The following AMBRA1 variants were observed in gnomAD, a reference collection of about 807,000 sequenced individuals.
AMBRA1 encodes activating molecule in BECN1-regulated autophagy protein 1.
In AMBRA1, 47 loss-of-function variants were observed where a neutral mutation model predicts 125.4. The ratio of observed to expected loss-of-function variants is 0.37; its 90% CI spans 0.30 to 0.48. The LOEUF (loss-of-function observed/expected upper bound fraction) is 0.48, where lower values mean the gene tolerates loss of function less well. Ranked by LOEUF, AMBRA1 falls within the 20% of genes least tolerant of loss-of-function variation. The probability of loss-of-function intolerance (pLI) is 0.99; values close to 1 mark genes in which losing one functional copy is unlikely to be tolerated. For missense variants in AMBRA1, 1,331 were observed against 1,693.4 expected (o/e 0.79, Z 3.76); for synonymous variants, 626 against 655.5 (o/e 0.95, Z 0.69).
intron 7 of AMBRA1, among the ~76,000 whole-genome samples, chr11:46,526,997 G>A (rs1207835911): frequency 6.6e-6 from 1 of 152,166 alleles, no homozygotes; most frequent in Admixed American, 6.5e-5. Context: ...CTTGCTCACT[G>A]TTTGTAAAGC....
chr11:46,401,260 A>AGAC (rs10639461), intron 17 of AMBRA1, among the ~76,000 whole-genome samples: 111,976 of 151,666 alleles, frequency 0.74, 43,449 homozygotes, highest in East Asian at 0.94. Context: ...GCTCTTTTCG[A>AGAC]GACAGAGTCT....
intron 11 of AMBRA1, among the ~76,000 whole-genome samples, chr11:46,474,014 A>T (rs2136892473): frequency 6.6e-6 from 1 of 152,230 alleles, no homozygotes; most frequent in East Asian, 1.9e-4. Flanking sequence ...CCCAACACTT[A>T]GTGTAGGACC....
At chr11:46,483,636 A>G (rs945351018) in intron 11 of AMBRA1, among the ~76,000 whole-genome samples, 2 of 152,230 alleles carry the variant, frequency 1.3e-5, no homozygotes, top group South Asian at 2.1e-4. Flanking sequence ...ATGGTGGCTC[A>G]TGCCTGTAAT....
chr11:46,546,793 G>C (rs920869997), intron 4 of AMBRA1, among the ~76,000 whole-genome samples: 2 of 152,102 alleles, frequency 1.3e-5, no homozygotes, highest in Non-Finnish European at 2.9e-5. Context: ...AAAAGAAGCC[G>C]GGCATGGTGG....
chr11:46,526,858 C>T (rs1407127907), intron 7 of AMBRA1, among the ~76,000 whole-genome samples: 3 of 152,202 alleles, frequency 2.0e-5, no homozygotes, highest in East Asian at 3.8e-4. Flanking sequence ...AAGCTAGGCA[C>T]AACAGCAACA....
At chr11:46,415,442 T>C (rs1422727303) in intron 15 of AMBRA1, among the ~76,000 whole-genome samples, 1 of 152,232 alleles carries the variant, frequency 6.6e-6, no homozygotes, top group Non-Finnish European at 1.5e-5. Context: ...AAAGGGGTTT[T>C]TGAGTGAAAA....
At chr11:46,588,576 G>A (rs1429338852) in intron 1 of AMBRA1, among the ~76,000 whole-genome samples, 5 of 151,282 alleles carry the variant, frequency 3.3e-5, no homozygotes, top group African/African-American at 1.2e-4. Context: ...AGGAGTTCGA[G>A]ACCAGCCTGA....
At chr11:46,471,637 G>A (rs977462246) in intron 11 of AMBRA1, among the ~76,000 whole-genome samples, 2 of 143,874 alleles carry the variant, frequency 1.4e-5, no homozygotes, top group African/African-American at 5.1e-5. Flanking sequence ...GTTTTGTTTT[G>A]TTTTTTTTTT....
chr11:46,591,899 A>G (rs1317844713), intron 1 of AMBRA1, among the ~76,000 whole-genome samples: 1 of 151,076 alleles, frequency 6.6e-6, no homozygotes, highest in Non-Finnish European at 1.5e-5. Flanking sequence ...CTGATTCTAC[A>G]TACTTTGGAA....
At chr11:46,498,010 A>G (rs1038206983) in intron 9 of AMBRA1, among the ~76,000 whole-genome samples, 1 of 152,232 alleles carries the variant, frequency 6.6e-6, no homozygotes, top group African/African-American at 2.4e-5. Context: ...TTAGAAAACT[A>G]CACAGAAATC....
chr11:46,474,961 A>AT (rs1227852688), intron 11 of AMBRA1, among the ~76,000 whole-genome samples: 2 of 152,230 alleles, frequency 1.3e-5, no homozygotes, highest in Non-Finnish European at 2.9e-5. Flanking sequence ...AAGTCCGCAT[A>AT]TATGTATAAC....
intron 9 of AMBRA1, among the ~76,000 whole-genome samples, chr11:46,501,338 G>C (rs1950829049): frequency 6.6e-6 from 1 of 152,206 alleles, no homozygotes; most frequent in South Asian, 2.1e-4. Flanking sequence ...GACTACCTTA[G>C]TCTGAGTGAG....
At chr11:46,550,650 A>G (rs879856693) in intron 1 of AMBRA1, among the ~76,000 whole-genome samples, 1 of 152,138 alleles carries the variant, frequency 6.6e-6, no homozygotes, top group Non-Finnish European at 1.5e-5. Flanking sequence ...CAAATAATAA[A>G]TTTCCCTTAA....
At chr11:46,580,728 T>G (rs886102936) in intron 1 of AMBRA1, among the ~76,000 whole-genome samples, 2 of 152,178 alleles carry the variant, frequency 1.3e-5, no homozygotes, top group African/African-American at 4.8e-5. Flanking sequence ...CTAACCATAC[T>G]TCCCCGATTT....
At chr11:46,464,790 T>C (rs567452944) in intron 11 of AMBRA1, among the ~76,000 whole-genome samples, 86 of 151,622 alleles carry the variant, frequency 5.7e-4, no homozygotes, top group African/African-American at 2.0e-3. Flanking sequence ...CTCACACCTG[T>C]AATCCAAGCA....
In AMBRA1 at chr11:46,539,314, T is replaced by C. The variant is rs184050449; in HGVS notation, c.2072+2631A>G. On this transcript the variant is annotated intron_variant, in intron 7 of 17. Transcript: ENST00000683756. ...GGCTCACACCTGGAATCCCAGCACTTTGGGAGGCCAAGGTGGGCAGATCAC... is the reference window on the plus strand; with the variant it reads ...GGCTCACACCTGGAATCCCAGCACTCTGGGAGGCCAAGGTGGGCAGATCAC... Among the ~76,000 whole-genome samples the C allele has an allele frequency of 9.9e-5, 15 of 152,226 alleles. 1 individual carries two copies. In the East Asian group the frequency reaches 1.7e-3, roughly 18 times the overall value.
In AMBRA1 at chr11:46,397,572, A is replaced by G. The variant is rs754709228; in HGVS notation, c.3775T>C (p.Ser1259Pro). The G allele has an allele frequency of 1.1e-4, 176 of 1,581,236 alleles. No homozygotes were observed. Among genetic ancestry groups the G allele is most frequent in the Non-Finnish European group, 1.5e-4 (171 of 1,161,242 alleles). The change falls in exon 18 of 18, where the codon TCC (serine) becomes CCC (proline). Residue 1259 changes from serine (S) to proline (P), a missense_variant. Ser to Pro is a moderately conservative substitution (Grantham distance 74). Transcript: ENST00000683756. ...GTTGGTCCCTCAGCGCTGGGAAGGG[A>G]AACAGGAATGGGGACAGGGGAGGAA... ...PSSSPVPIPVSLPSAEGPTLH... is the reference protein window; with the variant it reads ...PSSSPVPIPVPLPSAEGPTLH...
intron 7 of AMBRA1, among the ~76,000 whole-genome samples, chr11:46,529,695 G>A (rs536380308): frequency 1.3e-5 from 2 of 152,218 alleles, no homozygotes; most frequent in Non-Finnish European, 2.9e-5. Flanking sequence ...CTGTTAGGTG[G>A]GAATGTGAGC....
In AMBRA1 at chr11:46,493,612, C is replaced by G; in HGVS notation, c.2517G>C (p.Leu839=). The change falls in exon 11 of 18, where the codon CTG becomes CTC. Residue 839 remains leucine, a synonymous_variant. Transcript: ENST00000683756. ...GCCAAAGAAACATTTCCTTACCTGCCAGGACCCTGTTAACAGAAGAGTGAG... is the reference window on the plus strand; with the variant it reads ...GCCAAAGAAACATTTCCTTACCTGCGAGGACCCTGTTAACAGAAGAGTGAG... ...LATHSSVNRV[L]AGAVIGDGQS... is the part of the protein sequence containing the mutation. The G allele has an allele frequency of 1.2e-6, 2 of 1,603,304 alleles. No homozygotes were observed. Among genetic ancestry groups the G allele is most frequent in the Middle Eastern group, 1.7e-4 (1 of 6,024 alleles).
Sources: gnomAD v4.1 joint callset for allele counts (sites outside exome capture counted in the v4.1 genomes callset) on GRCh38, gnomAD v4.1.1 for gene constraint, MANE v1.5 for transcripts, NCBI Gene and HGNC (gene_info 2026-07-23, HGNC 2026-07-21) for gene names.